The following PPP2R3B variants were observed in gnomAD, a reference collection of about 807,000 sequenced individuals.
PPP2R3B encodes the protein serine/threonine-protein phosphatase 2A regulatory subunit B'' subunit beta.
A neutral mutation model predicts 72.9 loss-of-function variants in PPP2R3B; 68 were observed. The ratio of observed to expected loss-of-function variants is 0.93; its 90% CI spans 0.77 to 1.14. The LOEUF (loss-of-function observed/expected upper bound fraction) is 1.14, where lower values mean the gene tolerates loss of function less well. Ranked by LOEUF, PPP2R3B falls within the 50% of genes most tolerant of loss-of-function variation. PPP2R3B has a pLI of 0.00. For synonymous variants in PPP2R3B, 466 were observed against 375.8 expected, an observed-to-expected ratio of 1.24 and a Z score of -2.78; for missense variants, 1,018 against 842.0, an observed-to-expected ratio of 1.21 and a Z score of -2.59.
chrX:356,062 G>A (rs1313523403), intron 2 of PPP2R3B, among the ~76,000 whole-genome samples: 8 of 152,272 alleles, frequency 5.3e-5, no homozygotes, highest in South Asian at 2.1e-4. Context: ...TGGTCAACAC[G>A]TACATCAGGG....
chrX:371,892 C>T (rs1234822056), intron 1 of PPP2R3B, among the ~76,000 whole-genome samples: 1 of 151,234 alleles, frequency 6.6e-6, no homozygotes, highest in East Asian at 2.0e-4. Context: ...ACACGTCTGT[C>T]CTCACTCCCT....
chrX:341,437 AG>A lies in PPP2R3B; in HGVS notation c.1086-42del, dbSNP rs777726780. On this transcript the variant is annotated intron_variant, in intron 8 of 12. Transcript: ENST00000390665. ...GGATGGAGAGACGAAGATGCATGTC[AG>A]GGAGAGCTTCACAGGAACGGAGCCC... The A allele has an allele frequency of 1.9e-6, 3 of 1,601,520 alleles. No individual in the cohort carries two copies. The Admixed American group carries it at 5.0e-5, about 27-fold the overall frequency.
At position 345,661 on chromosome X, in the gene PPP2R3B, C is replaced by A. The variant is rs1452932320; in HGVS notation, c.891G>T (p.Leu297=). ...GGTTGATGTCCGCCTCCTCCTCCAG[C>A]AGCGCCACATTCTGCCAAAGGACCC... ...RRSSFLQNVA[L]LEEEADINQL... is the part of the protein sequence containing the mutation. The change falls in exon 7 of 13, where the codon CTG becomes CTT. Residue 297 remains leucine, a synonymous_variant. Transcript: ENST00000390665. The A allele has an allele frequency of 1.9e-6, 3 of 1,612,692 alleles. No homozygotes were observed. The highest frequency in any genetic ancestry group is 2.2e-5 in the South Asian group (2 of 91,050).
intron 2 of PPP2R3B, among the ~76,000 whole-genome samples, chrX:354,826 C>A (rs185220721): frequency 6.6e-6 from 1 of 152,064 alleles, no homozygotes; most frequent in Non-Finnish European, 1.5e-5. Flanking sequence ...CACTCCAGCC[C>A]GGGGGCAGAA....
chrX:342,279 T>C (rs2071097487), intron 7 of PPP2R3B: 1 of 433,084 alleles, frequency 2.3e-6, no homozygotes, highest in African/African-American at 2.0e-5. Flanking sequence ...CAACCAAAGG[T>C]TCACCAACGG....
At chrX:381,337 G>C (rs893174042) in intron 1 of PPP2R3B, among the ~76,000 whole-genome samples, 1 of 152,158 alleles carries the variant, frequency 6.6e-6, no homozygotes, top group Non-Finnish European at 1.5e-5. Flanking sequence ...CGATGAAGGC[G>C]TAGGTAACGT....
chrX:357,662 G>GA (rs201580406), intron 2 of PPP2R3B, among the ~76,000 whole-genome samples: 2,736 of 152,202 alleles, frequency 0.018, 78 homozygotes, highest in African/African-American at 0.062. Flanking sequence ...AAAATTTTTA[G>GA]AAAAAATGTA....
At chrX:346,576 C>A in intron 5 of PPP2R3B, 125 bp downstream of exon 5, 1 of 931,566 alleles carries the variant, frequency 1.1e-6, no homozygotes, top group Non-Finnish European at 1.6e-6. Flanking sequence ...AGAGCGCGGC[C>A]GCCTCCTCCG....
At chrX:347,045 A>G (rs1312091542) in intron 4 of PPP2R3B, among the ~76,000 whole-genome samples, 189 bp downstream of exon 4, 44 of 82,864 alleles carry the variant, frequency 5.3e-4, no homozygotes, top group African/African-American at 1.3e-3. Flanking sequence ...GTAGACGCGG[A>G]CCCTCCCATG....
rs757960788 is a variant in PPP2R3B, at chrX:383,837, CAAAAAAAAAA to C, written c.324+2521_324+2530del. On this transcript the variant is annotated intron_variant, in intron 1 of 12. Transcript: ENST00000390665. ...TGGGGGACAGAGCGAGACTCCGTCT[CAAAAAAAAAA>C]AAAAAAAAAAAAAAAAAAAACCAAA... Among the ~76,000 whole-genome samples, 349 of 45,610 alleles carry C rather than the reference CAAAAAAAAAA, an allele frequency of 7.7e-3. 3 individuals carry two copies. Among genetic ancestry groups the C allele is most frequent in the African/African-American group, 0.021 (317 of 15,160 alleles). The allele number at this position is 45,610 out of a possible 152,430, so 29.9% of individuals were successfully genotyped here.
chrX:368,336 CA>C, intron 1 of PPP2R3B, among the ~76,000 whole-genome samples: 1 of 99,826 alleles, frequency 1.0e-5, no homozygotes, highest in Non-Finnish European at 2.0e-5. Context: ...TGGGCACCGA[CA>C]CGGGGAAGGC....
chrX:372,819 T>C (rs2071895043), intron 1 of PPP2R3B, among the ~76,000 whole-genome samples: 1 of 151,990 alleles, frequency 6.6e-6, no homozygotes, highest in Admixed American at 6.6e-5. Context: ...TTAGCCCTAC[T>C]CGGGAGGCTG....
chrX:341,489 G>GCCC (rs200690031), intron 8 of PPP2R3B, 93 bp from the exon 9 acceptor site: 577,249 of 1,257,740 alleles, frequency 0.46, 137,436 homozygotes, highest in South Asian at 0.53. Flanking sequence ...GGTGAGGGGA[G>GCCC]CCCCCCGGGC....
intron 2 of PPP2R3B, among the ~76,000 whole-genome samples, chrX:350,564 C>T (rs1246392620): frequency 1.3e-5 from 2 of 152,178 alleles, no homozygotes; most frequent in African/African-American, 2.4e-5. Context: ...CACTGCCCTC[C>T]GGAGAGGGGT....
Position 386,519 on chromosome X carries a change from C to T in PPP2R3B, c.173G>A (p.Trp58Ter), listed in dbSNP as rs752649311. 1.9e-5 allele frequency: 26 copies of T among 1,363,334 alleles called. No homozygotes were observed. Among genetic ancestry groups the T allele is most frequent in the Admixed American group, 3.3e-5 (1 of 30,556 alleles). The allele number at this position is 1,363,334 out of a possible 1,614,324, so 84.5% of individuals were successfully genotyped here. The change falls in exon 1 of 13, where the codon TGG becomes TAG. Residue 58 changes from tryptophan (W) to a stop codon, truncating the protein, a stop_gained. Transcript: ENST00000390665. LOFTEE classifies it high-confidence loss of function. ...TPGDGEQPGA[W>*]PTAPLAAPRP... is the part of the protein sequence containing the mutation. ...GGGGGCGGCGAGCGGGGCTGTGGGCCAGGCCCCGGGCTGCTCCCCGTCCCC... is the reference window on the plus strand; with the variant it reads ...GGGGGCGGCGAGCGGGGCTGTGGGCTAGGCCCCGGGCTGCTCCCCGTCCCC...
At chrX:371,839 A>ATGCCTG (rs1167804877) in intron 1 of PPP2R3B, among the ~76,000 whole-genome samples, 1 of 143,184 alleles carries the variant, frequency 7.0e-6, no homozygotes, top group Non-Finnish European at 1.5e-5. Flanking sequence ...ACCCCCAAAT[A>ATGCCTG]TGCCTGTAAT....
chrX:371,489 A>G (rs971350245), intron 1 of PPP2R3B, among the ~76,000 whole-genome samples: 1 of 151,936 alleles, frequency 6.6e-6, no homozygotes, highest in African/African-American at 2.4e-5. Flanking sequence ...AGCACCCGCC[A>G]GGGGGTTAGT....
rs915264163 is a variant in PPP2R3B, at chrX:361,662, C to T, written c.325-72G>A. The T allele has an allele frequency of 2.4e-5, 38 of 1,567,390 alleles. No individual in the cohort carries two copies. In the Middle Eastern group the frequency reaches 1.2e-3, roughly 51 times the overall value. On this transcript the variant is annotated intron_variant, in intron 1 of 12. Transcript: ENST00000390665. ...ACGCCTTCTTCACCCGGACAACACA[C>T]GGGGCCTCTCTAGGGCCGACAGTGC...
At chrX:361,278 G>A (rs1202988757) in intron 2 of PPP2R3B, 127 bp downstream of exon 2, 31 of 1,081,436 alleles carry the variant, frequency 2.9e-5, no homozygotes, top group East Asian at 1.0e-4. Flanking sequence ...CGTGTGAAAC[G>A]CACCCTCCTC....
Sources: gnomAD v4.1 joint callset for allele counts (sites outside exome capture counted in the v4.1 genomes callset) on GRCh38, gnomAD v4.1.1 for gene constraint, MANE v1.5 for transcripts, NCBI Gene and HGNC (gene_info 2026-07-23, HGNC 2026-07-21) for gene names.